EIF4E2: variants seen among roughly 807,000 people sequenced by gnomAD.
EIF4E2 encodes eukaryotic translation initiation factor 4E type 2.
A neutral mutation model predicts 34.2 loss-of-function variants in EIF4E2; 13 were observed. The observed-to-expected ratio is 0.38, with a 90% CI of 0.25 to 0.60. The LOEUF (loss-of-function observed/expected upper bound fraction) is 0.60, where lower values mean the gene tolerates loss of function less well. Ranked by LOEUF, EIF4E2 falls within the 20% of genes least tolerant of loss-of-function variation. The pLI, the probability that EIF4E2 is intolerant of heterozygous loss-of-function variation, is 0.62. For synonymous variants in EIF4E2, 100 were observed against 106.6 expected (o/e 0.94, Z 0.38); for missense variants, 222 against 315.1 (o/e 0.70, Z 2.24).
exon 7 of EIF4E2, chr2:232,582,344 ACACTC>A (rs1319315756): frequency 6.6e-6 from 1 of 152,502 alleles, no homozygotes; most frequent in Non-Finnish European, 1.5e-5. Context: ...TATTTGTACT[ACACTC>A]TTCCTACTTT....
At chr2:232,558,077 T>C in intron 3 of EIF4E2, 59 bp downstream of exon 3, 1 of 1,571,106 alleles carries the variant, frequency 6.4e-7, no homozygotes. Context: ...CCTGTATTGA[T>C]ATGATGTTTA....
At chr2:232,579,184 T>C (rs1693288871) in intron 6 of EIF4E2, among the ~76,000 whole-genome samples, 2 of 151,934 alleles carry the variant, frequency 1.3e-5, no homozygotes, top group Non-Finnish European at 2.9e-5. Flanking sequence ...TGCTTGCTTT[T>C]CTCTGTGTTA....
intron 1 of EIF4E2, chr2:232,551,328 ACTCGCCAAGAC>A (rs1339464815): frequency 1.3e-5 from 6 of 468,482 alleles, no homozygotes; most frequent in Admixed American, 4.7e-5. Context: ...CTTCCAACAC[ACTCGCCAAGAC>A]CTAAGTATAC....
chr2:232,552,737 T>C (rs1692388518), intron 1 of EIF4E2, among the ~76,000 whole-genome samples: 1 of 152,246 alleles, frequency 6.6e-6, no homozygotes, highest in Non-Finnish European at 1.5e-5. Context: ...TTTTAATTAC[T>C]TTGAATTATT....
chr2:232,555,331 G>A (rs1376078901), intron 1 of EIF4E2, among the ~76,000 whole-genome samples: 1 of 152,142 alleles, frequency 6.6e-6, no homozygotes, highest in South Asian at 2.1e-4. Context: ...TGAATTAATG[G>A]TCCAGCCCTA....
Position 232,564,367 on chromosome 2 carries a change from T to C in EIF4E2, c.375+16T>C. On this transcript the variant is annotated intron_variant, in intron 4 of 6. Coordinates refer to ENST00000258416, the MANE Select transcript of EIF4E2 (RefSeq NM_004846.4). ...CATGTGGGAGGTAAGGACTAATGGC[T>C]TCTGACTGCTTTTTTGAGCAAGTTT... 6.6e-7 allele frequency: 1 copy of C among 1,512,828 alleles called. No individual in the cohort carries two copies. The highest frequency in any genetic ancestry group is 9.0e-7 in the Non-Finnish European group (1 of 1,112,196). The allele number at this position is 1,512,828 out of a possible 1,614,324, so 93.7% of individuals were successfully genotyped here. A position where few individuals can be genotyped will look rare whatever the true frequency, so the allele number is the denominator to read the frequency against.
chr2:232,568,962 G>A lies in EIF4E2; in HGVS notation c.683G>A (p.Gly228Asp). The change falls in exon 7 of 7, where the codon GGC (glycine) becomes GAC (aspartate). Residue 228 changes from glycine to aspartate, a missense_variant. Physicochemically the swap from Gly to Asp is moderately conservative, Grantham distance 94. Around this residue, in one of 3 missense-constraint regions of EIF4E2, gnomAD observed 30 missense variants for 26.3 expected, o/e 1.14. Transcript: ENST00000258416. ...TCCACTAGAATGCCAGGCAGGCTGG[G>A]CCCCCAAAGGCTCCTTTTTCAAAAC... ...TDSIKMPGRL[G>D]PQRLLFQNLW... 2 of 1,614,156 alleles carry A rather than the reference G, an allele frequency of 1.2e-6. No individual in the cohort carries two copies. The highest frequency in any genetic ancestry group is 1.1e-5 in the South Asian group (1 of 91,074).
At chr2:232,555,272 C>T (rs535226683) in intron 1 of EIF4E2, among the ~76,000 whole-genome samples, 20 of 152,270 alleles carry the variant, frequency 1.3e-4, no homozygotes, top group Admixed American at 1.2e-3. Context: ...CGTTTGACCA[C>T]ACATATAGTT....
downstream of EIF4E2, among the ~76,000 whole-genome samples, chr2:232,572,838 T>C (rs796937591): frequency 6.6e-5 from 10 of 152,346 alleles, no homozygotes; most frequent in African/African-American, 1.9e-4. Context: ...AGTGTAAGGA[T>C]GGCCCTTCCT....
intron 6 of EIF4E2, among the ~76,000 whole-genome samples, chr2:232,574,921 A>G (rs1693174093): frequency 6.6e-6 from 1 of 152,258 alleles, no homozygotes; most frequent in South Asian, 2.1e-4. Flanking sequence ...ACTGAGGTAC[A>G]AAGACTGGGC....
downstream of EIF4E2, among the ~76,000 whole-genome samples, chr2:232,570,343 A>G (rs981000483): frequency 1.6e-4 from 24 of 152,212 alleles, no homozygotes; most frequent in Admixed American, 1.4e-3. Context: ...GAATATGGAA[A>G]GGCCCATTCT....
chr2:232,576,358 G>A (rs188866155), intron 6 of EIF4E2, among the ~76,000 whole-genome samples: 2 of 152,166 alleles, frequency 1.3e-5, no homozygotes, highest in Non-Finnish European at 2.9e-5. Flanking sequence ...AAATGAAAGC[G>A]GAATAGTCAG....
chr2:232,551,886 C>T (rs1271320433), intron 1 of EIF4E2, among the ~76,000 whole-genome samples: 2 of 152,090 alleles, frequency 1.3e-5, no homozygotes, highest in Non-Finnish European at 2.9e-5. Context: ...GCTGAGAGGT[C>T]TCTGCTACTT....
rs973657753 is a variant in EIF4E2 at position 232,567,788 on chromosome 2, A to C, written c.665+574A>C. The C allele has an allele frequency of 3.0e-6, 3 of 985,980 alleles. No individual in the cohort carries two copies. The African/African-American group carries it at 5.2e-5, about 17-fold the overall frequency. 61.1% of individuals were successfully genotyped at this position (985,980 alleles called of 1,614,324 possible). On this transcript the variant is annotated intron_variant, in intron 6 of 6. Transcript: ENST00000258416. ...AAGCTTGGCAATCTCCCTAGGACTCAGGGAAATAGAGCTCTCTGTCCACAG... is the reference window on the plus strand; with the variant it reads ...AAGCTTGGCAATCTCCCTAGGACTCCGGGAAATAGAGCTCTCTGTCCACAG...
chr2:232,574,262 G>A, intron 6 of EIF4E2: 1 of 1,550,596 alleles, frequency 6.4e-7, no homozygotes, highest in South Asian at 1.2e-5. Flanking sequence ...TGGTTTGCCA[G>A]GGCCTGGGAG....
chr2:232,567,655 AG>A, intron 6 of EIF4E2: 1 of 1,042,678 alleles, frequency 9.6e-7, no homozygotes, highest in Non-Finnish European at 1.2e-6. Flanking sequence ...ACTACTTATC[AG>A]GAATGACTCC....
chr2:232,579,180 C>T (rs566508785), intron 6 of EIF4E2, among the ~76,000 whole-genome samples: 1 of 149,308 alleles, frequency 6.7e-6, no homozygotes, highest in South Asian at 2.1e-4. Context: ...GTTATGCTTG[C>T]TTTTCTCTGT....
chr2:232,561,872 ATT>A (rs199712096), intron 3 of EIF4E2, among the ~76,000 whole-genome samples: 46,096 of 148,636 alleles, frequency 0.31, 7,506 homozygotes, highest in Admixed American at 0.42. Flanking sequence ...GTGAATGCTT[ATT>A]TTTTTTTTTG....
chr2:232,551,142 C>T (rs1692299390), intron 1 of EIF4E2: 2 of 544,890 alleles, frequency 3.7e-6, no homozygotes, highest in South Asian at 1.5e-5. Context: ...TCCCTCTCCC[C>T]TCTGAGCCTC....
Sources: gnomAD v4.1 joint callset for allele counts (sites outside exome capture counted in the v4.1 genomes callset) on GRCh38, gnomAD v4.1.1 for gene constraint, gnomAD v4.1.1 regional missense constraint, MANE v1.5 for transcripts, NCBI Gene and HGNC (gene_info 2026-07-23, HGNC 2026-07-21) for gene names.